COL5A2: variants seen among roughly 807,000 people sequenced by gnomAD.
The protein encoded by COL5A2 is collagen type V alpha 2 chain.
In COL5A2, 23 loss-of-function variants were observed where a neutral mutation model predicts 208.2. The observed-to-expected ratio is 0.11, with a 90% confidence interval of 0.08 to 0.16. COL5A2 has a LOEUF of 0.16. COL5A2 is among the 10% of genes least tolerant of loss of function. COL5A2 has a pLI of 1.00. For synonymous variants in COL5A2, 625 were observed against 628.5 expected (o/e 0.99, Z 0.08); for missense variants, 1,590 against 1,956.4 (o/e 0.81, Z 3.53).
intron 44 of COL5A2, among the ~76,000 whole-genome samples, chr2:189,048,855 T>A (rs894614894): frequency 1.3e-5 from 2 of 152,188 alleles, no homozygotes; most frequent in Non-Finnish European, 2.9e-5. Flanking sequence ...AAATTGCCTA[T>A]CAAAAACTGA....
intron 1 of COL5A2, among the ~76,000 whole-genome samples, chr2:189,196,975 C>T (rs1030526379): frequency 6.6e-6 from 1 of 152,074 alleles, no homozygotes; most frequent in Non-Finnish European, 1.5e-5. Flanking sequence ...ATAAATCATT[C>T]TACTATAAAG....
Position 189,054,173 on chromosome 2 carries a change from G to C in COL5A2, c.2431C>G (p.Pro811Ala). 5 of 1,613,980 alleles carry C rather than the reference G, an allele frequency of 3.1e-6. No individual in the cohort carries two copies. Among genetic ancestry groups the C allele is most frequent in the Non-Finnish European group, 4.2e-6 (5 of 1,179,916 alleles). Residue 811 changes from proline (P) to alanine (A), a missense_variant, in exon 36 of 54, where the codon CCT becomes GCT. By Grantham distance (27) the Pro-to-Ala change is conservative (BLOSUM62 -1). Coordinates refer to ENST00000374866, the MANE Select transcript of COL5A2 (RefSeq NM_000393.5). ...TTGTGACTTACCTTTTCTCCAGTAG[G>C]ACCTGCCGGACCTGGAGGGCCCAAA... ...GPLGPPGPAG[P>A]TGEKGEPGPR...
the COL5A2 span, among the ~76,000 whole-genome samples, chr2:189,435,111 C>G: frequency 6.6e-6 from 1 of 152,190 alleles, no homozygotes; most frequent in Non-Finnish European, 1.5e-5. Context: ...GCTGGGAAAA[C>G]TGGCTAGCCA....
At chr2:189,152,018 A>G (rs2105788477) in intron 1 of COL5A2, among the ~76,000 whole-genome samples, 1 of 152,282 alleles carries the variant, frequency 6.6e-6, no homozygotes, top group Non-Finnish European at 1.5e-5. Context: ...CAGTAGAGGG[A>G]AAGAGTCAAA....
intron 1 of COL5A2, among the ~76,000 whole-genome samples, chr2:189,131,488 T>C (rs532806679): frequency 1.8e-4 from 27 of 152,182 alleles, no homozygotes; most frequent in Non-Finnish European, 2.8e-4. Context: ...ATGAATTAGA[T>C]AGTCTTAAGA....
chr2:189,258,531 G>A, the COL5A2 span, among the ~76,000 whole-genome samples: 22,095 of 152,114 alleles, frequency 0.15, 2,024 homozygotes, highest in South Asian at 0.21. Flanking sequence ...AAGTGAAAGT[G>A]TTCTACTTTT....
At chr2:189,410,469 G>A in the COL5A2 span, among the ~76,000 whole-genome samples, 1 of 152,058 alleles carries the variant, frequency 6.6e-6, no homozygotes, top group Admixed American at 6.6e-5. Context: ...GGAAGTCGGA[G>A]GCAGGAGGAT....
chr2:189,109,000 G>T (rs1687207277), intron 2 of COL5A2, among the ~76,000 whole-genome samples: 1 of 146,906 alleles, frequency 6.8e-6, no homozygotes, highest in African/African-American at 2.5e-5. Flanking sequence ...ACGGTAAAAT[G>T]ATAGGTCAGA....
rs377587921 is a variant in COL5A2, at chr2:189,106,918, G to A, written c.323-2641C>T. Among the ~76,000 whole-genome samples the A allele has an allele frequency of 4.0e-5, 6 of 151,218 alleles. No homozygotes were observed. In the East Asian group the frequency reaches 7.7e-4, roughly 19 times the overall value. On this transcript the variant is annotated intron_variant, in intron 2 of 53. Coordinates refer to ENST00000374866, the MANE Select transcript of COL5A2 (RefSeq NM_000393.5). ...CTTAATAGTCAATTATTTTGCACTT[G>A]TGGAATAATCGCCACTTTTTCATGA...
chr2:189,348,345 G>T, the COL5A2 span, among the ~76,000 whole-genome samples: 1 of 152,090 alleles, frequency 6.6e-6, no homozygotes, highest in East Asian at 1.9e-4. Flanking sequence ...TAATTTATTT[G>T]CTCTAGAAAA....
At chr2:189,135,762 G>T (rs1237871354) in intron 1 of COL5A2, among the ~76,000 whole-genome samples, 1 of 152,206 alleles carries the variant, frequency 6.6e-6, no homozygotes, top group African/African-American at 2.4e-5. Flanking sequence ...AGGAGAGGCA[G>T]CAATAGAAGC....
At chr2:189,370,850 G>A in the COL5A2 span, among the ~76,000 whole-genome samples, 17 of 152,092 alleles carry the variant, frequency 1.1e-4, no homozygotes, top group African/African-American at 4.1e-4. Context: ...AAGTGACACA[G>A]CTAGCTAGTA....
the COL5A2 span, among the ~76,000 whole-genome samples, chr2:189,243,650 C>T: frequency 1.3e-5 from 2 of 152,162 alleles, no homozygotes. Context: ...CCTGGCCCCT[C>T]TCAAATCTCA....
chr2:189,436,951 GCA>G, the COL5A2 span, among the ~76,000 whole-genome samples: 1 of 152,086 alleles, frequency 6.6e-6, no homozygotes, highest in African/African-American at 2.4e-5. Flanking sequence ...AACCACCATG[GCA>G]CACATTTACC....
chr2:189,348,520 C>T, the COL5A2 span, among the ~76,000 whole-genome samples: 1 of 152,086 alleles, frequency 6.6e-6, no homozygotes, highest in African/African-American at 2.4e-5. Flanking sequence ...TGATGGAGAA[C>T]TGAAGTAAGA....
chr2:189,326,668 G>T, the COL5A2 span, among the ~76,000 whole-genome samples: 1 of 151,934 alleles, frequency 6.6e-6, no homozygotes, highest in South Asian at 2.1e-4. Context: ...TCCATCCTGG[G>T]TGACAGAGGA....
intron 1 of COL5A2, among the ~76,000 whole-genome samples, chr2:189,166,892 A>T (rs1389381944): frequency 6.6e-6 from 1 of 152,250 alleles, no homozygotes; most frequent in African/African-American, 2.4e-5. Context: ...TTAGCTCCCC[A>T]TGAGGCTCGG....
chr2:189,264,393 T>C, the COL5A2 span, among the ~76,000 whole-genome samples: 1 of 152,144 alleles, frequency 6.6e-6, no homozygotes, highest in African/African-American at 2.4e-5. Flanking sequence ...AACTACAGCT[T>C]TTTGAAGCAA....
chr2:189,356,413 C>A, the COL5A2 span, among the ~76,000 whole-genome samples: 3,654 of 152,280 alleles, frequency 0.024, 159 homozygotes, highest in African/African-American at 0.084. Context: ...TTCCATATTT[C>A]TTGGAGGCTT....
Sources: allele counts gnomAD v4.1 joint callset (sites outside exome capture counted in the v4.1 genomes callset), GRCh38; gene constraint gnomAD v4.1.1; transcripts MANE v1.5; gene names NCBI Gene and HGNC (gene_info 2026-07-23, HGNC 2026-07-21).